Variants in RDM1 observed in about 807,000 individuals in gnomAD.
The protein encoded by RDM1 is RAD52 motif-containing protein 1.
Under a neutral mutation model 27.7 loss-of-function variants are expected in RDM1, and 28 were observed. The ratio of observed to expected loss-of-function variants is 1.01; its 90% CI spans 0.75 to 1.39. The LOEUF (loss-of-function observed/expected upper bound fraction) is 1.39, where lower values mean the gene tolerates loss of function less well. RDM1 is among the 40% of genes most tolerant of loss of function. The probability of loss-of-function intolerance (pLI) is 0.00; values close to 1 mark genes in which losing one functional copy is unlikely to be tolerated. For missense variants in RDM1, 277 were observed against 337.3 expected, an observed-to-expected ratio of 0.82 and a Z score of 1.40; for synonymous variants, 124 against 127.5, an observed-to-expected ratio of 0.97 and a Z score of 0.19.
chr17:35,921,447 T>C (rs2141928607), intron 5 of RDM1, among the ~76,000 whole-genome samples: 1 of 152,342 alleles, frequency 6.6e-6, no homozygotes, highest in South Asian at 2.1e-4. Context: ...TCAGGGACTC[T>C]TTGCTAATCA....
chr17:35,921,869 G>A (rs7218953), intron 5 of RDM1, among the ~76,000 whole-genome samples: 2,573 of 147,962 alleles, frequency 0.017, 74 homozygotes, highest in African/African-American at 0.059. Context: ...GAGATATTAA[G>A]TATTTTCAAA....
Position 35,930,136 on chromosome 17 carries a change from A to T in RDM1, c.216T>A (p.Ala72=), listed in dbSNP as rs762996810. The change falls in exon 2 of 7, where the codon GCT becomes GCA. Residue 72 remains alanine, a synonymous_variant. Coordinates refer to ENST00000620284, the MANE Select transcript of RDM1 (RefSeq NM_145654.4). The stretch of plus-strand genomic sequence containing the variant: ...CGCATGCCTTTTGGGCTCTGTGGGC[A>T]GCCCTTGCAGAATAAAACTTAATGA... ...YAVIKFYSAR[A]AHRAQKACDR... The T allele has an allele frequency of 6.2e-7, 1 of 1,614,228 alleles. No individual in the cohort carries two copies. The highest frequency in any genetic ancestry group is 1.1e-5 in the South Asian group (1 of 91,082).
chr17:35,918,326 G>A lies in RDM1; in HGVS notation c.*16C>T. 2 of 1,607,878 alleles carry A rather than the reference G, an allele frequency of 1.2e-6. No homozygotes were observed. Among genetic ancestry groups the A allele is most frequent in the South Asian group, 2.2e-5 (2 of 90,870 alleles). On this transcript the variant is annotated 3_prime_UTR_variant, in exon 7 of 7. Coordinates refer to ENST00000620284, the MANE Select transcript of RDM1 (RefSeq NM_145654.4). Reference sequence around the variant, plus strand: ...CAAGGAAGTTACATGACCTCGCCTTGGGATATTCAGAAATGCTAGTCAAGT... The same window carrying A: ...CAAGGAAGTTACATGACCTCGCCTTAGGATATTCAGAAATGCTAGTCAAGT...
chr17:35,930,504 C>T, intron 1 of RDM1, 128 bp downstream of exon 1: 1 of 961,160 alleles, frequency 1.0e-6, no homozygotes, highest in Non-Finnish European at 1.5e-6. Context: ...CAGTTGGGAT[C>T]CCCTTTATAA....
chr17:35,921,918 CTTTTT>C (rs755056334), intron 5 of RDM1, among the ~76,000 whole-genome samples: 1 of 116,020 alleles, frequency 8.6e-6, no homozygotes, highest in Non-Finnish European at 1.8e-5. Context: ...ATTAAAAAAT[CTTTTT>C]TTTTTTTTTT....
At chr17:35,920,136 G>T (rs189735938) in intron 6 of RDM1, 51 bp downstream of exon 6, 6 of 881,262 alleles carry the variant, frequency 6.8e-6, no homozygotes, top group Admixed American at 2.4e-5. Context: ...GCTTTTTTTT[G>T]AATTATGGTT....
chr17:35,926,211 G>T (rs1187820584), intron 2 of RDM1, among the ~76,000 whole-genome samples: 47 of 151,688 alleles, frequency 3.1e-4, no homozygotes, highest in African/African-American at 9.7e-4. Flanking sequence ...GCATTTACGT[G>T]CTTCTTTGAG....
At chr17:35,928,389 T>G (rs575070032) in intron 2 of RDM1, among the ~76,000 whole-genome samples, 1 of 152,196 alleles carries the variant, frequency 6.6e-6, no homozygotes, top group South Asian at 2.1e-4. Flanking sequence ...GATGATGATG[T>G]GATGATGATG....
At chr17:35,929,145 C>T (rs971646776) in intron 2 of RDM1, among the ~76,000 whole-genome samples, 1 of 152,106 alleles carries the variant, frequency 6.6e-6, no homozygotes, top group Non-Finnish European at 1.5e-5. Context: ...GAGGCTGAGG[C>T]AGGAGGACTG....
intron 2 of RDM1, among the ~76,000 whole-genome samples, chr17:35,928,699 T>C (rs1251905972): frequency 1.3e-5 from 2 of 150,034 alleles, no homozygotes; most frequent in African/African-American, 4.9e-5. Flanking sequence ...GAGGCGGAGG[T>C]TGTGGTGAGC....
intron 5 of RDM1, among the ~76,000 whole-genome samples, chr17:35,921,840 AT>A (rs1211875611): frequency 1.3e-5 from 2 of 152,016 alleles, no homozygotes; most frequent in Non-Finnish European, 2.9e-5. Context: ...CAGTTTATAG[AT>A]GAAGAGACTG....
chr17:35,921,925 T>A (rs1202143699), intron 5 of RDM1, among the ~76,000 whole-genome samples: 3 of 147,240 alleles, frequency 2.0e-5, no homozygotes, highest in African/African-American at 7.6e-5. Flanking sequence ...AATCTTTTTT[T>A]TTTTTTTTTT....
rs754516116 is a variant in RDM1 at position 35,920,171 on chromosome 17, T to G, written c.753+16A>C. On this transcript the variant is annotated intron_variant, in intron 6 of 6. Transcript: ENST00000620284. The stretch of plus-strand genomic sequence containing the variant: ...TACACTGGCTATGTTACCCCTGAGT[T>G]TTTATCTTCACATACTTGAATTAAA... 2 of 1,389,966 alleles carry G rather than the reference T, an allele frequency of 1.4e-6. No individual in the cohort carries two copies. Among genetic ancestry groups the G allele is most frequent in the Non-Finnish European group, 2.0e-6 (2 of 993,036 alleles). 86.1% of individuals were successfully genotyped at this position (1,389,966 alleles called of 1,614,324 possible).
rs574390729 is a variant in RDM1 at position 35,922,763 on chromosome 17, C to T, written c.569-88G>A. On this transcript the variant is annotated intron_variant, in intron 4 of 6. Transcript: ENST00000620284. ...AAAAAATAAAAAAGCATCCACGATT[C>T]TTAGCTCAAAACCTTCATGACTAAG... 267 of 1,111,562 alleles carry T rather than the reference C, an allele frequency of 2.4e-4. 1 individual carries two copies. In the African/African-American group the frequency reaches 3.1e-3, roughly 13 times the overall value. 68.9% of individuals were successfully genotyped at this position (1,111,562 alleles called of 1,614,324 possible).
At chr17:35,926,675 A>AT (rs1159864325) in intron 2 of RDM1, among the ~76,000 whole-genome samples, 1 of 152,058 alleles carries the variant, frequency 6.6e-6, no homozygotes, top group East Asian at 1.9e-4. Context: ...AAGTGCTGGG[A>AT]TACAGGTGTG....
intron 3 of RDM1, among the ~76,000 whole-genome samples, chr17:35,925,184 AAAC>A (rs2089097684): frequency 6.6e-6 from 1 of 152,114 alleles, no homozygotes; most frequent in Non-Finnish European, 1.5e-5. Flanking sequence ...AAAACCCAAA[AAAC>A]AACTACACTC....
chr17:35,928,022 A>G (rs1034508653), intron 2 of RDM1, among the ~76,000 whole-genome samples: 5 of 152,204 alleles, frequency 3.3e-5, no homozygotes, highest in African/African-American at 1.2e-4. Context: ...CTAAGAGGGC[A>G]TTGAACAGGC....
At chr17:35,924,510 GTA>G in intron 4 of RDM1, 92 bp downstream of exon 4, 1 of 1,339,428 alleles carries the variant, frequency 7.5e-7, no homozygotes, top group Non-Finnish European at 1.0e-6. Context: ...GGCTTGATAT[GTA>G]TCTGAAAAGA....
At chr17:35,930,401 C>A in intron 1 of RDM1, 146 bp from the exon 2 acceptor site, 1 of 1,164,128 alleles carries the variant, frequency 8.6e-7, no homozygotes, top group South Asian at 1.5e-5. Context: ...TCTTAAAATC[C>A]TAAACTTTAA....
Sources: allele counts gnomAD v4.1 joint callset (sites outside exome capture counted in the v4.1 genomes callset), GRCh38; gene constraint gnomAD v4.1.1; transcripts MANE v1.5; gene names NCBI Gene and HGNC (gene_info 2026-07-23, HGNC 2026-07-21).